Variants in ALG8 observed in about 807,000 individuals in gnomAD.
ALG8 encodes the protein ALG8 alpha-1,3-glucosyltransferase, also known as dolichyl pyrophosphate Glc1Man9GlcNAc2 alpha-1,3-glucosyltransferase.
In ALG8, 48 loss-of-function variants were observed where a neutral mutation model predicts 70.2. That is an observed-to-expected ratio of 0.68 (90% CI 0.54 to 0.87). ALG8 has a LOEUF of 0.87. Among genes scored for constraint, ALG8 ranks in the 40% least tolerant of loss-of-function variants. The pLI, the probability that ALG8 is intolerant of heterozygous loss-of-function variation, is 0.00. For missense variants in ALG8, 572 were observed against 608.7 expected, an observed-to-expected ratio of 0.94 and a Z score of 0.64; for synonymous variants, 234 against 229.0, an observed-to-expected ratio of 1.02 and a Z score of -0.20.
At chr11:78,107,565 A>G (rs1245162874) in intron 9 of ALG8, among the ~76,000 whole-genome samples, 1 of 147,070 alleles carries the variant, frequency 6.8e-6, no homozygotes, top group Non-Finnish European at 1.5e-5. Flanking sequence ...CTGGCTGGGC[A>G]TGGTGGCTCA....
chr11:78,139,124 CCAGCAATGTCTTGCTCACCA>C (rs1861682447), intron 1 of ALG8: 2 of 367,742 alleles, frequency 5.4e-6, no homozygotes, highest in Admixed American at 8.2e-5. Flanking sequence ...AGGGCAAGGA[CCAGCAATGTCTTGCTCACCA>C]CCGCATCTCC....
intron 5 of ALG8, among the ~76,000 whole-genome samples, chr11:78,116,205 CA>C (rs2136908765): frequency 6.6e-6 from 1 of 151,834 alleles, no homozygotes; most frequent in East Asian, 1.9e-4. Flanking sequence ...ACTAAAAATA[CA>C]AAAAATTAGC....
chr11:78,101,072 A>G lies in ALG8; in HGVS notation c.1473T>C (p.Pro491=), dbSNP rs778949257. The change falls in exon 13 of 13, where the codon CCT becomes CCC. Residue 491 remains proline, a synonymous_variant. Coordinates refer to ENST00000299626, the MANE Select transcript of ALG8 (RefSeq NM_024079.5). ...TSWKVKYPFI[P]LLLTSVYCAV... ...CACAATACACTGAGGTTAGTAACAA[A>G]GGGATGAAGGGGTACTTCACCTTCC... 7.4e-6 allele frequency: 12 copies of G among 1,614,122 alleles called. No individual in the cohort carries two copies. The East Asian group carries it at 2.4e-4, about 33-fold the overall frequency.
intron 7 of ALG8, among the ~76,000 whole-genome samples, chr11:78,113,115 G>A (rs538712398): frequency 1.3e-5 from 2 of 152,328 alleles, no homozygotes; most frequent in African/African-American, 2.4e-5. Context: ...AAGATGTGAC[G>A]CGTTTCAGTT....
At position 78,112,539 on chromosome 11, in the gene ALG8, T is replaced by C; in HGVS notation, c.898+111A>G. On this transcript the variant is annotated intron_variant, in intron 8 of 12. Transcript: ENST00000299626. Reference sequence around the variant, plus strand: ...CATCCTGAAAGCTGAAATGCAGGACTGGAGAACAAACAATTCAGCCACATT... The same window carrying C: ...CATCCTGAAAGCTGAAATGCAGGACCGGAGAACAAACAATTCAGCCACATT... 24 of 1,517,828 alleles carry C rather than the reference T, an allele frequency of 1.6e-5. No individual in the cohort carries two copies. The South Asian group carries it at 1.8e-4, about 11-fold the overall frequency. 94.0% of individuals were successfully genotyped at this position (1,517,828 alleles called of 1,614,324 possible). A position where few individuals can be genotyped will look rare whatever the true frequency, so the allele number is the denominator to read the frequency against.
chr11:78,106,729 A>T, intron 10 of ALG8, 78 bp downstream of exon 10: 1 of 1,590,398 alleles, frequency 6.3e-7, no homozygotes, highest in Non-Finnish European at 8.6e-7. Context: ...TGAACATGAC[A>T]AGAAGGGACA....
At chr11:78,126,040 T>C (rs1297552268) in intron 2 of ALG8, among the ~76,000 whole-genome samples, 5 of 151,644 alleles carry the variant, frequency 3.3e-5, no homozygotes, top group African/African-American at 9.7e-5. Context: ...GCGCCTGTAG[T>C]CCCAGCTACT....
At chr11:78,108,180 T>C (rs1214407896) in intron 9 of ALG8, among the ~76,000 whole-genome samples, 1 of 152,166 alleles carries the variant, frequency 6.6e-6, no homozygotes, top group Non-Finnish European at 1.5e-5. Context: ...CTCAGGAGGC[T>C]GAAGCAGGGG....
At chr11:78,102,378 T>C (rs1859833823) in intron 12 of ALG8, among the ~76,000 whole-genome samples, 1 of 152,250 alleles carries the variant, frequency 6.6e-6, no homozygotes, top group Non-Finnish European at 1.5e-5. Context: ...TCATGTAGCA[T>C]GTATTGGAAC....
chr11:78,133,774 C>T (rs1033590220), intron 1 of ALG8, among the ~76,000 whole-genome samples: 4 of 151,874 alleles, frequency 2.6e-5, no homozygotes, highest in Non-Finnish European at 4.4e-5. Context: ...TGGTGAGGGG[C>T]GCCTGTAGGG....
At position 78,104,017 on chromosome 11, in the gene ALG8, T is replaced by A; in HGVS notation, c.1312A>T (p.Thr438Ser). 1 of 1,512,216 alleles carries A rather than the reference T, an allele frequency of 6.6e-7. No homozygotes were observed. Among genetic ancestry groups the A allele is most frequent in the Non-Finnish European group, 9.2e-7 (1 of 1,091,202 alleles). The allele number at this position is 1,512,216 out of a possible 1,614,324, so 93.7% of individuals were successfully genotyped here. Residue 438 changes from threonine to serine, a missense_variant, in exon 12 of 13, where the codon ACC (threonine) becomes TCC (serine). Coordinates refer to ENST00000299626, the MANE Select transcript of ALG8 (RefSeq NM_024079.5). ...TTCAGTGACGAAATACTATATATGG[T>A]GAATAGTAACATGAGTAAGATTTTA... The part of the protein sequence containing the change: ...PIKILLMLLF[T>S]IYSISSLKTL...
At chr11:78,105,855 T>C (rs1014627585) in intron 10 of ALG8, among the ~76,000 whole-genome samples, 3 of 151,978 alleles carry the variant, frequency 2.0e-5, no homozygotes, top group African/African-American at 7.2e-5. Flanking sequence ...ATTACAGGCA[T>C]GCACCACCAT....
intron 1 of ALG8, among the ~76,000 whole-genome samples, chr11:78,138,291 G>C (rs1041108558): frequency 1.3e-5 from 2 of 149,556 alleles, no homozygotes; most frequent in Non-Finnish European, 1.5e-5. Flanking sequence ...AGAGGTTGCA[G>C]TAAGCTGAGA....
rs558024970 is a variant in ALG8 at position 78,138,513 on chromosome 11, T to C, written c.95+981A>G. ...ACATGATTACATATACGCATCAGTA[T>C]GGACTTACATTCTATACATATGACT... On this transcript the variant is annotated intron_variant, in intron 1 of 12. Coordinates refer to ENST00000299626, the MANE Select transcript of ALG8 (RefSeq NM_024079.5). Among the ~76,000 whole-genome samples, 3 of 152,348 alleles carry C rather than the reference T, an allele frequency of 2.0e-5. No homozygotes were observed. The South Asian group carries it at 6.2e-4, about 32-fold the overall frequency.
intron 9 of ALG8, among the ~76,000 whole-genome samples, chr11:78,108,292 C>A (rs1860134561): frequency 6.6e-6 from 1 of 151,382 alleles, no homozygotes; most frequent in Non-Finnish European, 1.5e-5. Context: ...AAAACAAAAA[C>A]AAAAACAAAA....
chr11:78,139,256 T>C (rs958887627), intron 1 of ALG8: 2 of 559,934 alleles, frequency 3.6e-6, no homozygotes, highest in Admixed American at 3.1e-5. Flanking sequence ...ATGAGGACCC[T>C]GAGGTTCAGA....
chr11:78,123,747 C>T (rs1168652810), intron 3 of ALG8, among the ~76,000 whole-genome samples: 1 of 152,060 alleles, frequency 6.6e-6, no homozygotes, highest in Non-Finnish European at 1.5e-5. Context: ...GGAGAAATGG[C>T]CCTAGAACTA....
Position 78,106,940 on chromosome 11 carries a change from T to G in ALG8, c.1045A>C (p.Ile349Leu). Reference protein sequence around the residue: ...ICTLIAILPSIFCLWFKPQGP... With the variant: ...ICTLIAILPSLFCLWFKPQGP... ...TGGGGTTTAAACCAAAGACAGAAAA[T>G]AGAGGGCTAGAAACAACAGGCAAAG... The change falls in exon 10 of 13, where the codon ATT becomes CTT. Residue 349 changes from isoleucine (I) to leucine (L), a missense_variant. By Grantham distance (5) the Ile-to-Leu change is conservative. Transcript: ENST00000299626. 1 of 1,613,590 alleles carries G rather than the reference T, an allele frequency of 6.2e-7. No individual in the cohort carries two copies. The highest frequency in any genetic ancestry group is 8.5e-7 in the Non-Finnish European group (1 of 1,179,894).
intron 1 of ALG8, among the ~76,000 whole-genome samples, chr11:78,133,837 C>T (rs1861420825): frequency 6.6e-6 from 1 of 151,410 alleles, no homozygotes; most frequent in African/African-American, 2.4e-5. Context: ...GGAAGGTGAG[C>T]TTGCAGTGAG....
Sources: gnomAD v4.1 joint callset for allele counts (sites outside exome capture counted in the v4.1 genomes callset) on GRCh38, gnomAD v4.1.1 for gene constraint, MANE v1.5 for transcripts, NCBI Gene and HGNC (gene_info 2026-07-23, HGNC 2026-07-21) for gene names.